NCOR2: variants seen among roughly 807,000 people sequenced by gnomAD.
The protein encoded by NCOR2 is nuclear receptor corepressor 2.
In NCOR2, 81 loss-of-function variants were observed where a neutral mutation model predicts 262.9. The ratio of observed to expected loss-of-function variants is 0.31; its 90% CI spans 0.26 to 0.37. NCOR2 has a LOEUF of 0.37. Ranked by LOEUF, NCOR2 falls within the 10% of genes least tolerant of loss-of-function variation. The pLI, the probability that NCOR2 is intolerant of heterozygous loss-of-function variation, is 1.00. For missense variants in NCOR2, 3,385 were observed against 3,621.4 expected (o/e 0.93, Z 1.68); for synonymous variants, 1,659 against 1,559.3 (o/e 1.06, Z -1.51).
At chr12:124,331,846 G>A (rs2035229365) in intron 43 of NCOR2, 1 of 164,546 alleles carries the variant, frequency 6.1e-6, no homozygotes, top group Non-Finnish European at 1.3e-5. Flanking sequence ...TTGGGGTCGG[G>A]GACTGTGACA....
At chr12:124,377,991 G>A (rs868255568) in intron 18 of NCOR2, among the ~76,000 whole-genome samples, 5 of 152,150 alleles carry the variant, frequency 3.3e-5, no homozygotes, top group African/African-American at 1.2e-4. Context: ...CAGAAGAGCT[G>A]AGCGAGGCTT....
chr12:124,561,374 G>A (rs999328495), intron 1 of NCOR2, among the ~76,000 whole-genome samples: 1 of 152,214 alleles, frequency 6.6e-6, no homozygotes, highest in African/African-American at 2.4e-5. Context: ...ACTTCAAGCC[G>A]TGACTGCCTT....
intron 22 of NCOR2, among the ~76,000 whole-genome samples, chr12:124,359,237 A>G (rs1028195917): frequency 3.9e-5 from 6 of 152,206 alleles, no homozygotes; most frequent in Non-Finnish European, 8.8e-5. Context: ...CAGAGACACA[A>G]CTTGGGAATG....
intron 5 of NCOR2, among the ~76,000 whole-genome samples, chr12:124,461,625 G>A (rs760375983): frequency 1.3e-5 from 2 of 152,178 alleles, no homozygotes; most frequent in South Asian, 2.1e-4. Context: ...ACATCAAGGC[G>A]CACGCACATA....
At chr12:124,377,976 G>C (rs1471017665) in intron 18 of NCOR2, among the ~76,000 whole-genome samples, 2 of 152,156 alleles carry the variant, frequency 1.3e-5, no homozygotes, top group African/African-American at 4.8e-5. Flanking sequence ...TGGACTCATG[G>C]GCATCAGAAG....
At chr12:124,377,030 G>A (rs1438771822) in intron 18 of NCOR2, among the ~76,000 whole-genome samples, 1 of 152,198 alleles carries the variant, frequency 6.6e-6, no homozygotes, top group Non-Finnish European at 1.5e-5. Flanking sequence ...GGAAAAAGAG[G>A]CACAGGGTGG....
intron 20 of NCOR2, 83 bp downstream of exon 22, chr12:124,371,939 T>C: frequency 7.3e-7 from 1 of 1,361,702 alleles, no homozygotes; most frequent in Non-Finnish European, 9.8e-7. Context: ...AGAGCCAGAC[T>C]GGGTGCGGCT....
chr12:124,354,703 G>C, intron 25 of NCOR2, 121 bp from the exon 28 acceptor site: 25 of 1,298,632 alleles, frequency 1.9e-5, no homozygotes, highest in Non-Finnish European at 2.6e-5. Flanking sequence ...GTTCCAGCCA[G>C]GGCTGCTGAG....
chr12:124,501,657 A>C (rs937863702), intron 1 of NCOR2, among the ~76,000 whole-genome samples: 12 of 151,980 alleles, frequency 7.9e-5, no homozygotes, highest in Non-Finnish European at 1.8e-4. Flanking sequence ...TTCTAAGGGC[A>C]CCCGTCATAT....
chr12:124,367,198 G>T (rs2039107877), intron 20 of NCOR2, among the ~76,000 whole-genome samples: 1 of 152,182 alleles, frequency 6.6e-6, no homozygotes, highest in African/African-American at 2.4e-5. Flanking sequence ...CTAGTAGGGT[G>T]TGGGCAGTCA....
intron 20 of NCOR2, among the ~76,000 whole-genome samples, chr12:124,366,235 C>T (rs1215595131): frequency 6.6e-6 from 1 of 152,098 alleles, no homozygotes; most frequent in African/African-American, 2.4e-5. Flanking sequence ...GTGCCCTGTC[C>T]GCACGATGGA....
In NCOR2 at chr12:124,506,979, G is replaced by T. The variant is rs575790992; in HGVS notation, c.-117-11611C>A. 2.6e-5 allele frequency among the ~76,000 whole-genome samples: 4 copies of T among 152,206 alleles called. No homozygotes were observed. The South Asian group carries it at 6.2e-4, about 24-fold the overall frequency. ...GGACCTGGGGTTTCTAAAGGATGCG[G>T]ACGGGGTTGGGGTCCTGGGTCTTCA... On this transcript the variant is annotated intron_variant, in intron 1 of 46. Transcript: ENST00000404621.
intron 18 of NCOR2, among the ~76,000 whole-genome samples, chr12:124,375,934 G>A (rs954774668): frequency 2.0e-5 from 3 of 152,152 alleles, no homozygotes; most frequent in African/African-American, 7.2e-5. Context: ...GGAGATTCAG[G>A]CAGGGCAACC....
chr12:124,343,007 G>C, exon 33 of NCOR2: 2 of 1,610,550 alleles, frequency 1.2e-6, no homozygotes, highest in Non-Finnish European at 1.7e-6. Flanking sequence ...GCAATCACCT[G>C]CGTCCAGAGG....
At chr12:124,428,084 T>C (rs1454401926) in intron 10 of NCOR2, among the ~76,000 whole-genome samples, 1 of 148,142 alleles carries the variant, frequency 6.8e-6, no homozygotes, top group African/African-American at 2.5e-5. Flanking sequence ...TGTGTGTGTG[T>C]GTGTACATGC....
chr12:124,368,017 C>A (rs1421835178), intron 20 of NCOR2, among the ~76,000 whole-genome samples: 7 of 152,184 alleles, frequency 4.6e-5, no homozygotes, highest in Non-Finnish European at 4.4e-5. Flanking sequence ...CAGGGCCTGG[C>A]ACAGAGTATG....
chr12:124,451,223 G>A (rs1254299703), intron 6 of NCOR2, among the ~76,000 whole-genome samples: 1 of 152,236 alleles, frequency 6.6e-6, no homozygotes, highest in Non-Finnish European at 1.5e-5. Flanking sequence ...TACAACGCCG[G>A]CCCCCCGACT....
At position 124,549,555 on chromosome 12, in the gene NCOR2, G is replaced by A. The variant is rs138666998; in HGVS notation, c.-164-13944C>T. 1.4e-4 allele frequency among the ~76,000 whole-genome samples: 22 copies of A among 152,190 alleles called. No individual in the cohort carries two copies. Among genetic ancestry groups the A allele is most frequent in the African/African-American group, 3.9e-4 (16 of 41,520 alleles). On this transcript the variant is annotated intron_variant, in intron 1 of 32. Coordinates refer to the NCOR2 transcript ENST00000458234. This position sits in a 1 kb window ranked among gnomAD's most constrained non-coding sequence, Gnocchi z 4.4. The stretch of plus-strand genomic sequence containing the variant: ...TTCTGCCCCAGCGCCGGGGCACAGC[G>A]GGCTGAGGGAGCCCCAGGACAGAAG...
At chr12:124,437,841 T>C in intron 8 of NCOR2, 89 bp downstream of exon 10, 1 of 1,217,036 alleles carries the variant, frequency 8.2e-7, no homozygotes, top group East Asian at 3.1e-5. Flanking sequence ...GCTGCGGAAC[T>C]GACAGGGCCC....
Sources: gnomAD v4.1 joint callset for allele counts (sites outside exome capture counted in the v4.1 genomes callset) on GRCh38, gnomAD v4.1.1 for gene constraint, Gnocchi (gnomAD v3.1) non-coding constraint, MANE v1.5 for transcripts, NCBI Gene and HGNC (gene_info 2026-07-23, HGNC 2026-07-21) for gene names.